PTPRG: variants seen among roughly 807,000 people sequenced by gnomAD.
The protein encoded by PTPRG is receptor-type tyrosine-protein phosphatase gamma.
Under a neutral mutation model 165.3 loss-of-function variants are expected in PTPRG, and 102 were observed. That is an observed-to-expected ratio of 0.62 (90% CI 0.53 to 0.73). The LOEUF is 0.73. Among genes scored for constraint, PTPRG ranks in the 30% least tolerant of loss-of-function variants. PTPRG has a pLI of 0.00. For missense variants in PTPRG, 1,866 were observed against 1,861.4 expected, an observed-to-expected ratio of 1.00 and a Z score of -0.05; for synonymous variants, 675 against 669.5, an observed-to-expected ratio of 1.01 and a Z score of -0.13.
intron 1 of PTPRG, among the ~76,000 whole-genome samples, chr3:61,583,160 A>T (rs1302201745): frequency 6.6e-6 from 1 of 152,202 alleles, no homozygotes; most frequent in Admixed American, 6.5e-5. Flanking sequence ...GTATAAAGCC[A>T]TTAGTGACTG....
At chr3:62,106,546 G>T (rs1305591203) in intron 5 of PTPRG, among the ~76,000 whole-genome samples, 1 of 144,696 alleles carries the variant, frequency 6.9e-6, no homozygotes, top group Admixed American at 7.1e-5. Flanking sequence ...TGTTGCCCAG[G>T]CTGGGGTGCA....
At chr3:61,786,383 A>G (rs2034702868) in intron 2 of PTPRG, among the ~76,000 whole-genome samples, 1 of 152,188 alleles carries the variant, frequency 6.6e-6, no homozygotes, top group Non-Finnish European at 1.5e-5. Flanking sequence ...AACTTGACTT[A>G]GTACTGTATT....
At chr3:61,802,143 T>G (rs1441097001) in intron 2 of PTPRG, among the ~76,000 whole-genome samples, 1 of 151,998 alleles carries the variant, frequency 6.6e-6, no homozygotes, top group Non-Finnish European at 1.5e-5. Flanking sequence ...TACCCTACAG[T>G]CTGTTTAGGA....
chr3:62,066,119 C>A (rs1457270743), intron 4 of PTPRG, among the ~76,000 whole-genome samples: 2 of 145,470 alleles, frequency 1.4e-5, no homozygotes, highest in African/African-American at 5.1e-5. Flanking sequence ...GGAGGGAATA[C>A]AACCAACTAG....
At chr3:61,756,161 C>T (rs368426021) in intron 2 of PTPRG, among the ~76,000 whole-genome samples, 3 of 152,126 alleles carry the variant, frequency 2.0e-5, no homozygotes, top group African/African-American at 7.2e-5. Flanking sequence ...TTGACTAGAA[C>T]CTATTAAGAT....
At chr3:61,946,067 C>G (rs776921236) in intron 2 of PTPRG, among the ~76,000 whole-genome samples, 1 of 152,108 alleles carries the variant, frequency 6.6e-6, no homozygotes, top group Admixed American at 6.6e-5. Context: ...TAGTAATTGA[C>G]TTATTGATAC....
At chr3:61,852,737 T>G (rs1167271312) in intron 2 of PTPRG, among the ~76,000 whole-genome samples, 1 of 152,190 alleles carries the variant, frequency 6.6e-6, no homozygotes, top group Non-Finnish European at 1.5e-5. Context: ...TCACGGTGGC[T>G]ATGGAGATCC....
Position 62,156,937 on chromosome 3 carries a change from G to A in PTPRG, c.683-130G>A, listed in dbSNP as rs902780193. The A allele has an allele frequency of 8.4e-6, 7 of 834,948 alleles. No homozygotes were observed. The South Asian group carries it at 9.9e-5, about 12-fold the overall frequency. The allele number at this position is 834,948 out of a possible 1,614,324, so 51.7% of individuals were successfully genotyped here. A position where few individuals can be genotyped will look rare whatever the true frequency, so the allele number is the denominator to read the frequency against. Reference sequence around the variant, plus strand: ...GGCTCTCCCACCACCAAATGCTAGTGCTTCTCAGGATATAAACAAACATAA... The same window carrying A: ...GGCTCTCCCACCACCAAATGCTAGTACTTCTCAGGATATAAACAAACATAA... On this transcript the variant is annotated intron_variant, in intron 6 of 29. Coordinates refer to ENST00000474889, the MANE Select transcript of PTPRG (RefSeq NM_002841.4).
chr3:61,881,246 C>G (rs572903319), intron 2 of PTPRG, among the ~76,000 whole-genome samples: 4 of 152,174 alleles, frequency 2.6e-5, no homozygotes, highest in Non-Finnish European at 5.9e-5. Context: ...TCATGATTCT[C>G]TGTGAGAAGA....
intron 5 of PTPRG, among the ~76,000 whole-genome samples, chr3:62,081,118 G>A (rs566396285): frequency 6.6e-6 from 1 of 151,728 alleles, no homozygotes; most frequent in Non-Finnish European, 1.5e-5. Flanking sequence ...TTAGCCGGGC[G>A]TGGTGGCGGG....
rs116351385 is a variant in PTPRG at position 61,700,947 on chromosome 3, C to T, written c.86-47931C>T. 6.2e-3 allele frequency among the ~76,000 whole-genome samples: 946 copies of T among 152,224 alleles called. 3 individuals carry two copies. The highest frequency in any genetic ancestry group is 9.2e-3 in the Non-Finnish European group (623 of 68,018). ...TACACCTGTAAGCTTTGCCCCTATCCGGGTCAAAAGGCCCTATCATGTAAG... is the reference window on the plus strand; with the variant it reads ...TACACCTGTAAGCTTTGCCCCTATCTGGGTCAAAAGGCCCTATCATGTAAG... On this transcript the variant is annotated intron_variant, in intron 1 of 29. Transcript: ENST00000474889.
chr3:62,087,799 C>A (rs981178665), intron 5 of PTPRG, among the ~76,000 whole-genome samples: 1 of 152,142 alleles, frequency 6.6e-6, no homozygotes, highest in African/African-American at 2.4e-5. Context: ...CATATAATTG[C>A]CTTCAGGCCT....
chr3:61,614,501 T>G (rs1701254773), intron 1 of PTPRG, among the ~76,000 whole-genome samples: 1 of 148,480 alleles, frequency 6.7e-6, no homozygotes, highest in Non-Finnish European at 1.5e-5. Context: ...CCTCTGCTTC[T>G]GGGGCTCAAG....
chr3:61,628,185 A>G (rs1007003378), intron 1 of PTPRG, among the ~76,000 whole-genome samples: 2 of 152,236 alleles, frequency 1.3e-5, no homozygotes, highest in African/African-American at 4.8e-5. Flanking sequence ...GGAATAAGAC[A>G]AATAAGAATT....
intron 2 of PTPRG, among the ~76,000 whole-genome samples, chr3:61,847,486 T>A (rs2036839620): frequency 6.6e-6 from 1 of 152,180 alleles, no homozygotes; most frequent in African/African-American, 2.4e-5. Flanking sequence ...GTGTTGTTAT[T>A]AGCACCCCAG....
intron 4 of PTPRG, among the ~76,000 whole-genome samples, chr3:62,030,413 C>G (rs985865119): frequency 9.3e-5 from 14 of 150,990 alleles, no homozygotes; most frequent in Non-Finnish European, 1.9e-4. Context: ...AAAATATGTA[C>G]ATAAGACTAA....
intron 1 of PTPRG, among the ~76,000 whole-genome samples, chr3:61,729,229 C>T (rs968801520): frequency 6.6e-6 from 1 of 152,078 alleles, no homozygotes; most frequent in African/African-American, 2.4e-5. Flanking sequence ...AGAACATTTG[C>T]ACTAAGTGAA....
At chr3:61,879,556 T>C (rs1020587541) in intron 2 of PTPRG, among the ~76,000 whole-genome samples, 6 of 152,198 alleles carry the variant, frequency 3.9e-5, no homozygotes, top group Non-Finnish European at 8.8e-5. Context: ...TTCAGTCATA[T>C]GTTACTTAAT....
intron 5 of PTPRG, among the ~76,000 whole-genome samples, chr3:62,128,656 A>C (rs1317847330): frequency 6.6e-6 from 1 of 150,602 alleles, no homozygotes; most frequent in African/African-American, 2.5e-5. Context: ...TTTCACAGAC[A>C]AGGACACTAA....
Sources: gnomAD v4.1 joint callset for allele counts (sites outside exome capture counted in the v4.1 genomes callset) on GRCh38, gnomAD v4.1.1 for gene constraint, MANE v1.5 for transcripts, NCBI Gene and HGNC (gene_info 2026-07-23, HGNC 2026-07-21) for gene names.